CHST9: variants seen among roughly 807,000 people sequenced by gnomAD.
The protein encoded by CHST9 is carbohydrate sulfotransferase 9, also known as GalNAc-4-sulfotransferase 2.
CHST9 carries 41 observed loss-of-function variants against 44.4 expected under a neutral mutation model. The observed-to-expected ratio is 0.92, with a 90% CI of 0.72 to 1.20. The LOEUF is 1.20. Among genes scored for constraint, CHST9 ranks in the 50% most tolerant of loss-of-function variants. CHST9 has a pLI of 0.00. For missense variants in CHST9, 504 were observed against 516.5 expected (o/e 0.98, Z 0.23); for synonymous variants, 171 against 178.4 (o/e 0.96, Z 0.33).
intron 4 of CHST9, among the ~76,000 whole-genome samples, chr18:26,958,164 G>T (rs556066099): frequency 1.3e-5 from 2 of 151,946 alleles, no homozygotes; most frequent in Non-Finnish European, 2.9e-5. Context: ...GGGATTACAG[G>T]CGTGAGCCAC....
At chr18:26,979,689 T>C (rs1290240792) in intron 4 of CHST9, among the ~76,000 whole-genome samples, 1 of 152,194 alleles carries the variant, frequency 6.6e-6, no homozygotes, top group Non-Finnish European at 1.5e-5. Flanking sequence ...GAGCCACGTC[T>C]ATTTGTCTTT....
At chr18:27,038,621 T>C (rs1361662851) in intron 3 of CHST9, among the ~76,000 whole-genome samples, 1 of 152,206 alleles carries the variant, frequency 6.6e-6, no homozygotes, top group Non-Finnish European at 1.5e-5. Flanking sequence ...TGTTGAGAAC[T>C]TGCTATGTGA....
At chr18:26,957,104 G>A (rs544446539) in intron 4 of CHST9, among the ~76,000 whole-genome samples, 1 of 152,306 alleles carries the variant, frequency 6.6e-6, no homozygotes, top group South Asian at 2.1e-4. Flanking sequence ...TTTATCGAGC[G>A]ATGCCTTGAG....
At position 26,947,077 on chromosome 18, in the gene CHST9, G is replaced by A. The variant is rs1362421352; in HGVS notation, c.203-2711C>T. On this transcript the variant is annotated intron_variant, in intron 4 of 5. Transcript: ENST00000618847. ...GAAGAAAGTCAATGGTAGCTTGATG[G>A]GGATAGCATTAAATCTATACATTAC... 2.0e-5 allele frequency among the ~76,000 whole-genome samples: 3 copies of A among 152,016 alleles called. No homozygotes were observed. In the East Asian group the frequency reaches 5.8e-4, roughly 29 times the overall value.
chr18:27,129,330 A>T lies in CHST9; in HGVS notation c.121+13359T>A, dbSNP rs561976358. Among the ~76,000 whole-genome samples, 7 of 151,522 alleles carry T rather than the reference A, an allele frequency of 4.6e-5. No homozygotes were observed. The East Asian group carries it at 1.4e-3, about 29-fold the overall frequency. The stretch of plus-strand genomic sequence containing the variant: ...GAGAAACTGTGCAACTTGCCACCAA[A>T]CCTCTTAATTGCCTTAATTGCTTGG... On this transcript the variant is annotated intron_variant, in intron 2 of 5. Coordinates refer to ENST00000618847, the MANE Select transcript of CHST9 (RefSeq NM_031422.6).
chr18:27,074,284 T>C (rs1458673792), intron 2 of CHST9, among the ~76,000 whole-genome samples: 1 of 152,220 alleles, frequency 6.6e-6, no homozygotes, highest in Non-Finnish European at 1.5e-5. Flanking sequence ...TCATTTTCTT[T>C]TCTTCTTTAT....
chr18:27,176,656 T>G (rs1378085085), intron 1 of CHST9, among the ~76,000 whole-genome samples: 1 of 152,032 alleles, frequency 6.6e-6, no homozygotes, highest in East Asian at 1.9e-4. Flanking sequence ...TAGAGGGACT[T>G]TCTGAGCTGC....
At chr18:26,939,655 G>T (rs948162447) in intron 5 of CHST9, among the ~76,000 whole-genome samples, 2 of 152,134 alleles carry the variant, frequency 1.3e-5, no homozygotes, top group Non-Finnish European at 2.9e-5. Flanking sequence ...ACTGCTTTGG[G>T]ACTAGGAGGC....
At chr18:26,917,429 G>A (rs1314241579) in intron 5 of CHST9, 79 bp from the exon 6 acceptor site, 23 of 1,462,956 alleles carry the variant, frequency 1.6e-5, no homozygotes, top group Middle Eastern at 1.8e-4. Flanking sequence ...TCACATATTT[G>A]TTTTAAAATA....
chr18:27,033,798 G>A (rs1355654263), intron 3 of CHST9, among the ~76,000 whole-genome samples: 1 of 152,146 alleles, frequency 6.6e-6, no homozygotes, highest in Non-Finnish European at 1.5e-5. Flanking sequence ...ATGGCCTCAG[G>A]TTTTCCACGA....
chr18:27,067,129 T>C (rs1568158607), intron 2 of CHST9, among the ~76,000 whole-genome samples: 1 of 152,168 alleles, frequency 6.6e-6, no homozygotes, highest in East Asian at 1.9e-4. Flanking sequence ...ATCAATATTT[T>C]CATAGTTAGA....
chr18:26,959,951 G>C (rs913357719), intron 4 of CHST9, among the ~76,000 whole-genome samples: 1 of 152,054 alleles, frequency 6.6e-6, no homozygotes, highest in Non-Finnish European at 1.5e-5. Flanking sequence ...TCAGATGAGG[G>C]GTTAGGATGG....
At chr18:27,112,579 G>A (rs1378493065) in intron 2 of CHST9, among the ~76,000 whole-genome samples, 1 of 3,746 alleles carries the variant, frequency 2.7e-4, no homozygotes, top group Admixed American at 5.4e-3. Context: ...GATATTCAAC[G>A]TGTGTGTGTG....
At chr18:27,090,551 G>T (rs1381034516) in intron 2 of CHST9, among the ~76,000 whole-genome samples, 4 of 152,144 alleles carry the variant, frequency 2.6e-5, no homozygotes, top group Admixed American at 1.3e-4. Flanking sequence ...TATTGCCTAG[G>T]TTTTCTTCTA....
chr18:26,976,624 G>C (rs2056626784), intron 4 of CHST9, among the ~76,000 whole-genome samples: 1 of 152,140 alleles, frequency 6.6e-6, no homozygotes, highest in African/African-American at 2.4e-5. Context: ...CAGACATGGA[G>C]AGAGACTAAG....
intron 4 of CHST9, among the ~76,000 whole-genome samples, chr18:26,950,048 T>C (rs1012767865): frequency 6.6e-6 from 1 of 152,222 alleles, no homozygotes; most frequent in African/African-American, 2.4e-5. Flanking sequence ...GTAAGATGCA[T>C]ACATTTGTGT....
At chr18:27,143,395 T>TAAAAA (rs2058584715) in intron 1 of CHST9, among the ~76,000 whole-genome samples, 1 of 152,102 alleles carries the variant, frequency 6.6e-6, no homozygotes. Flanking sequence ...AGAGCACATT[T>TAAAAA]AAAATCCTTC....
chr18:27,016,164 C>T (rs1195426676), intron 4 of CHST9, among the ~76,000 whole-genome samples: 2 of 152,228 alleles, frequency 1.3e-5, no homozygotes, highest in Non-Finnish European at 2.9e-5. Context: ...ATATACACCT[C>T]ATGCTTCTTT....
At chr18:27,032,634 CA>C (rs112980514) in intron 3 of CHST9, among the ~76,000 whole-genome samples, 11,853 of 152,248 alleles carry the variant, frequency 0.078, 780 homozygotes, top group African/African-American at 0.19. Context: ...TGCTAAAAGA[CA>C]GAGCCAAGTG....
Sources: gnomAD v4.1 joint callset for allele counts (sites outside exome capture counted in the v4.1 genomes callset) on GRCh38, gnomAD v4.1.1 for gene constraint, MANE v1.5 for transcripts, NCBI Gene and HGNC (gene_info 2026-07-23, HGNC 2026-07-21) for gene names.